The following CSMD1 variants were observed in gnomAD, a reference collection of about 807,000 sequenced individuals.
CSMD1 encodes CUB and Sushi multiple domains 1.
CSMD1 carries 213 observed loss-of-function variants against 417.5 expected under a neutral mutation model. The observed-to-expected ratio is 0.51, with a 90% CI of 0.46 to 0.57. The LOEUF (loss-of-function observed/expected upper bound fraction) is 0.57. Among genes scored for constraint, CSMD1 ranks in the 20% least tolerant of loss-of-function variants. CSMD1 has a pLI of 0.00. For missense variants in CSMD1, 6,923 were observed against 4,529.7 expected (o/e 1.53, Z -15.17); for synonymous variants, 2,862 against 1,736.8 (o/e 1.65, Z -16.11).
chr8:4,890,314 G>C (rs1280508811), intron 1 of CSMD1, among the ~76,000 whole-genome samples: 1 of 152,138 alleles, frequency 6.6e-6, no homozygotes, highest in African/African-American at 2.4e-5. Context: ...GAAAAGGAGA[G>C]AGAACCTCCA....
chr8:3,007,636 T>C lies in CSMD1; in HGVS notation c.8030-7505A>G, dbSNP rs1396630388. Among the ~76,000 whole-genome samples the C allele has an allele frequency of 4.0e-5, 6 of 151,200 alleles. No individual in the cohort carries two copies. In the South Asian group the frequency reaches 6.2e-4, roughly 16 times the overall value. Reference sequence around the variant, plus strand: ...GTCCTTCGTAGGGACATGGATGAAATTGGAAATCATCATTCTCAGTAAACT... The same window carrying C: ...GTCCTTCGTAGGGACATGGATGAAACTGGAAATCATCATTCTCAGTAAACT... On this transcript the variant is annotated intron_variant, in intron 52 of 69. Transcript: ENST00000635120.
chr8:3,859,752 T>C (rs1024825033), intron 5 of CSMD1, among the ~76,000 whole-genome samples: 3 of 152,190 alleles, frequency 2.0e-5, no homozygotes, highest in Admixed American at 1.3e-4. Context: ...CTTCCCTGGC[T>C]GACAATCCTG....
intron 4 of CSMD1, among the ~76,000 whole-genome samples, chr8:4,012,452 G>C (rs1191575163): frequency 6.6e-6 from 1 of 152,046 alleles, no homozygotes; most frequent in Non-Finnish European, 1.5e-5. Flanking sequence ...TTTTGTTTCA[G>C]GGGTACACAT....
intron 6 of CSMD1, among the ~76,000 whole-genome samples, chr8:3,718,222 A>G (rs1801951632): frequency 6.6e-6 from 1 of 152,162 alleles, no homozygotes; most frequent in South Asian, 2.1e-4. Flanking sequence ...AAGTCTGGAA[A>G]CAGTTGTTGT....
At chr8:4,962,617 G>A (rs923632511) in intron 1 of CSMD1, among the ~76,000 whole-genome samples, 5 of 152,230 alleles carry the variant, frequency 3.3e-5, no homozygotes, top group African/African-American at 1.2e-4. Flanking sequence ...CCAGATGCCA[G>A]TATTTCTAAT....
chr8:3,556,516 GCACACACACA>G (rs71708244), intron 10 of CSMD1, among the ~76,000 whole-genome samples: 7 of 137,666 alleles, frequency 5.1e-5, no homozygotes, highest in Admixed American at 2.2e-4. Context: ...TTTTTCACAC[GCACACACACA>G]CACACACACA....
intron 1 of CSMD1, among the ~76,000 whole-genome samples, chr8:4,735,339 C>G (rs1300350938): frequency 6.6e-6 from 1 of 152,186 alleles, no homozygotes; most frequent in African/African-American, 2.4e-5. Context: ...AAGCCAGGAT[C>G]TAAACCTGGA....
intron 1 of CSMD1, among the ~76,000 whole-genome samples, chr8:4,798,080 G>A (rs1036640090): frequency 6.6e-6 from 1 of 152,198 alleles, no homozygotes; most frequent in African/African-American, 2.4e-5. Flanking sequence ...TCTTAAGTAT[G>A]TGTAAATGTG....
chr8:4,445,543 G>C (rs1388116081), intron 2 of CSMD1, among the ~76,000 whole-genome samples: 4 of 152,162 alleles, frequency 2.6e-5, no homozygotes, highest in African/African-American at 7.2e-5. Flanking sequence ...TGGGTAGCTT[G>C]TGTGATAAAA....
At chr8:4,039,876 A>G (rs1302911579) in intron 3 of CSMD1, among the ~76,000 whole-genome samples, 2 of 152,196 alleles carry the variant, frequency 1.3e-5, no homozygotes, top group African/African-American at 2.4e-5. Flanking sequence ...ATGTTGGACA[A>G]ATTACTTAGA....
intron 7 of CSMD1, among the ~76,000 whole-genome samples, chr8:3,621,578 T>C (rs1485303179): frequency 1.3e-5 from 2 of 152,050 alleles, no homozygotes; most frequent in African/African-American, 4.8e-5. Flanking sequence ...GCATGGTTTT[T>C]ACTTTTCTTT....
chr8:3,830,872 T>TC (rs745980224), intron 5 of CSMD1, among the ~76,000 whole-genome samples: 1 of 152,210 alleles, frequency 6.6e-6, no homozygotes, highest in Non-Finnish European at 1.5e-5. Flanking sequence ...AAGTGTGTCT[T>TC]CATCGAGGTT....
chr8:4,516,564 C>T (rs191137679), intron 2 of CSMD1, among the ~76,000 whole-genome samples: 89 of 152,210 alleles, frequency 5.8e-4, no homozygotes, highest in Non-Finnish European at 1.1e-3. Flanking sequence ...CAGCCACTGC[C>T]GTAAGCCTCT....
chr8:3,791,255 T>C (rs1362585314), intron 5 of CSMD1, among the ~76,000 whole-genome samples: 2 of 152,206 alleles, frequency 1.3e-5, no homozygotes, highest in African/African-American at 4.8e-5. Context: ...TATAATTATA[T>C]CCAAAGCATG....
chr8:4,656,853 A>T (rs986741759), intron 1 of CSMD1, among the ~76,000 whole-genome samples: 14 of 152,120 alleles, frequency 9.2e-5, no homozygotes, highest in Non-Finnish European at 1.9e-4. Flanking sequence ...ACTAATGTGC[A>T]GAGACCACCA....
In CSMD1 at chr8:3,359,144, C is replaced by T; in HGVS notation, c.3304+8G>A. 1 of 1,613,562 alleles carries T rather than the reference C, an allele frequency of 6.2e-7. No individual in the cohort carries two copies. Among genetic ancestry groups the T allele is most frequent in the Non-Finnish European group, 8.5e-7 (1 of 1,179,638 alleles). ...GGATGAATGAAATGAAAGCGTGTGACCACCTACCCACACACCTTGGCAGAG... is the reference window on the plus strand; with the variant it reads ...GGATGAATGAAATGAAAGCGTGTGATCACCTACCCACACACCTTGGCAGAG... On this transcript the variant is annotated splice_region_variant and intron_variant, in intron 21 of 69. Coordinates refer to ENST00000635120, the MANE Select transcript of CSMD1 (RefSeq NM_033225.6).
intron 49 of CSMD1, among the ~76,000 whole-genome samples, chr8:3,055,870 T>C (rs1215602435): frequency 6.6e-6 from 1 of 152,220 alleles, no homozygotes; most frequent in Non-Finnish European, 1.5e-5. Flanking sequence ...GCTAACTTAC[T>C]TAATGAACGT....
chr8:3,992,064 A>T (rs1222410719), intron 5 of CSMD1, among the ~76,000 whole-genome samples: 1 of 151,330 alleles, frequency 6.6e-6, no homozygotes, highest in Non-Finnish European at 1.5e-5. Flanking sequence ...CATGTTAATT[A>T]TATCCCTACA....
intron 6 of CSMD1, among the ~76,000 whole-genome samples, chr8:3,720,627 A>T (rs1021107602): frequency 4.0e-4 from 61 of 151,208 alleles, no homozygotes; most frequent in Non-Finnish European, 6.4e-4. Flanking sequence ...TCTTACACAC[A>T]CACACACACA....
Sources: allele counts gnomAD v4.1 joint callset (sites outside exome capture counted in the v4.1 genomes callset), GRCh38; gene constraint gnomAD v4.1.1; transcripts MANE v1.5; gene names NCBI Gene and HGNC (gene_info 2026-07-23, HGNC 2026-07-21).